CDKL1: variants seen among roughly 807,000 people sequenced by gnomAD.
The protein encoded by CDKL1 is cyclin dependent kinase like 1.
A neutral mutation model predicts 42.0 loss-of-function variants in CDKL1; 41 were observed. The observed-to-expected ratio is 0.98, with a 90% CI of 0.76 to 1.27. CDKL1 has a LOEUF of 1.27. Among genes scored for constraint, CDKL1 ranks in the 50% most tolerant of loss-of-function variants. The probability of loss-of-function intolerance (pLI) is 0.00; values close to 1 mark genes in which losing one functional copy is unlikely to be tolerated. For synonymous variants in CDKL1, 153 were observed against 158.6 expected (o/e 0.96, Z 0.26); for missense variants, 394 against 428.4 (o/e 0.92, Z 0.71).
At chr14:50,358,832 G>A (rs1036729885) in intron 3 of CDKL1, among the ~76,000 whole-genome samples, 196 bp downstream of exon 3, 12 of 151,722 alleles carry the variant, frequency 7.9e-5, no homozygotes, top group African/African-American at 2.9e-4. Flanking sequence ...TAGAGATGGG[G>A]TTTCACTATG....
chr14:50,362,199 G>A (rs1230377911), intron 2 of CDKL1: 2 of 235,496 alleles, frequency 8.5e-6, no homozygotes, highest in South Asian at 3.1e-5. Flanking sequence ...GGGCTCCTGC[G>A]CGGCCGAGCC....
At position 50,332,317 on chromosome 14, in the gene CDKL1, G is replaced by C. The variant is rs967235938; in HGVS notation, c.911C>G (p.Thr304Arg). The change falls in exon 9 of 10, where the codon ACA becomes AGA. Residue 304 changes from threonine (T) to arginine (R), a missense_variant. Coordinates refer to ENST00000395834, the MANE Select transcript of CDKL1 (RefSeq NM_004196.7). ...EDLAKEHNKP[T>R]RKTLRKSRKH... ...TCGGCTCTTTCTTAGGGTCTTCCTT[G>C]TTGGTTTGTTGTGTTCTTTTGCCAA... is the stretch of plus-strand genomic sequence containing the variant. 3.1e-6 allele frequency: 5 copies of C among 1,613,796 alleles called. No homozygotes were observed. In the African/African-American group the frequency reaches 6.7e-5, roughly 22 times the overall value.
intron 2 of CDKL1, among the ~76,000 whole-genome samples, chr14:50,374,963 G>A (rs2034689082): frequency 1.3e-5 from 2 of 152,236 alleles, no homozygotes; most frequent in Non-Finnish European, 2.9e-5. Flanking sequence ...AGGAGGGAGA[G>A]CATTAGGACA....
intron 2 of CDKL1, among the ~76,000 whole-genome samples, chr14:50,385,797 C>G (rs1380845755): frequency 7.8e-6 from 1 of 128,508 alleles, no homozygotes; most frequent in African/African-American, 3.1e-5. Flanking sequence ...GAGCAAGACT[C>G]CGTCCCAAAA....
intron 3 of CDKL1, 100 bp downstream of exon 3, chr14:50,358,928 C>T: frequency 1.7e-6 from 2 of 1,211,434 alleles, no homozygotes; most frequent in Middle Eastern, 2.1e-4. Context: ...GCATGAGCCA[C>T]TGCACCCGGC....
chr14:50,364,801 G>A (rs1183414141), intron 2 of CDKL1, among the ~76,000 whole-genome samples: 1 of 152,092 alleles, frequency 6.6e-6, no homozygotes, highest in African/African-American at 2.4e-5. Flanking sequence ...TTTTTATTTA[G>A]AATGATTTTT....
chr14:50,347,713 G>A (rs2033774153), intron 3 of CDKL1, among the ~76,000 whole-genome samples: 1 of 152,176 alleles, frequency 6.6e-6, no homozygotes, highest in South Asian at 2.1e-4. Flanking sequence ...AGGTCAGGCT[G>A]GAAATATGAG....
At chr14:50,360,806 G>T (rs547311071) in intron 2 of CDKL1, among the ~76,000 whole-genome samples, 1 of 151,750 alleles carries the variant, frequency 6.6e-6, no homozygotes, top group Non-Finnish European at 1.5e-5. Context: ...GTGTGTGTGT[G>T]TGTGTGTGTG....
intron 7 of CDKL1, chr14:50,335,920 A>T (rs931889676): frequency 1.6e-6 from 2 of 1,287,856 alleles, no homozygotes; most frequent in African/African-American, 3.1e-5. Flanking sequence ...TGTCAACAGG[A>T]GAAAAAAAAA....
chr14:50,364,683 C>G (rs1009266682), intron 2 of CDKL1, among the ~76,000 whole-genome samples: 1 of 152,144 alleles, frequency 6.6e-6, no homozygotes, highest in African/African-American at 2.4e-5. Context: ...GTAAGAAGCG[C>G]AAGGGCTGTA....
At chr14:50,350,805 G>T (rs115566962) in intron 3 of CDKL1, among the ~76,000 whole-genome samples, 121 of 152,314 alleles carry the variant, frequency 7.9e-4, no homozygotes, top group African/African-American at 2.8e-3. Flanking sequence ...TAGTCAGGTG[G>T]TCTTCCTTGA....
chr14:50,340,113 G>A (rs2033458046), intron 6 of CDKL1, among the ~76,000 whole-genome samples: 2 of 152,182 alleles, frequency 1.3e-5, no homozygotes, highest in Admixed American at 1.3e-4. Flanking sequence ...GACATGGGGA[G>A]GCTGTCCTAA....
chr14:50,355,939 T>C (rs2034042293), intron 3 of CDKL1, among the ~76,000 whole-genome samples: 1 of 152,188 alleles, frequency 6.6e-6, no homozygotes. Context: ...TAAGATCTTG[T>C]ATCTCATGCT....
intron 4 of CDKL1, among the ~76,000 whole-genome samples, chr14:50,344,129 A>T (rs1332688577): frequency 2.0e-5 from 3 of 152,226 alleles, no homozygotes; most frequent in Non-Finnish European, 4.4e-5. Context: ...CAGGCTTCCC[A>T]GCATCTGTGA....
intron 2 of CDKL1, among the ~76,000 whole-genome samples, chr14:50,372,356 G>A (rs955621083): frequency 1.3e-5 from 2 of 152,056 alleles, no homozygotes; most frequent in Non-Finnish European, 2.9e-5. Context: ...GACCTCAGGT[G>A]ATCTGCCTGC....
At chr14:50,360,389 C>T (rs1376847854) in intron 2 of CDKL1, among the ~76,000 whole-genome samples, 2 of 152,052 alleles carry the variant, frequency 1.3e-5, no homozygotes, top group Admixed American at 6.6e-5. Context: ...TGCCAAATAC[C>T]ATTCCACTTT....
At chr14:50,349,742 TTTGTTG>T (rs138022916) in intron 3 of CDKL1, among the ~76,000 whole-genome samples, 90 of 151,430 alleles carry the variant, frequency 5.9e-4, no homozygotes, top group African/African-American at 8.5e-4. Context: ...CTCTTGTCTT[TTTGTTG>T]TTGTTGTTGT....
chr14:50,334,831 G>GT (rs2033165198), intron 7 of CDKL1: 2 of 515,458 alleles, frequency 3.9e-6, no homozygotes, highest in Admixed American at 7.0e-5. Context: ...AATTTGCTTC[G>GT]TAACTACTCC....
intron 6 of CDKL1, 54 bp from the exon 7 acceptor site, chr14:50,339,083 A>G (rs929672829): frequency 2.5e-5 from 29 of 1,165,390 alleles, no homozygotes; most frequent in Non-Finnish European, 3.5e-5. Flanking sequence ...ACACTGATCT[A>G]TGGTTTTCTT....
Sources: gnomAD v4.1 joint callset for allele counts (sites outside exome capture counted in the v4.1 genomes callset) on GRCh38, gnomAD v4.1.1 for gene constraint, MANE v1.5 for transcripts, NCBI Gene and HGNC (gene_info 2026-07-23, HGNC 2026-07-21) for gene names.